Variants in ZHX3 observed in about 807,000 individuals in gnomAD.
ZHX3 encodes the protein zinc fingers and homeoboxes protein 3.
In ZHX3, 20 loss-of-function variants were observed where a neutral mutation model predicts 64.5. The ratio of observed to expected loss-of-function variants is 0.31; its 90% CI spans 0.22 to 0.45. The LOEUF is 0.45. Among genes scored for constraint, ZHX3 ranks in the 20% least tolerant of loss-of-function variants. ZHX3 has a pLI of 1.00. For missense variants in ZHX3, 1,041 were observed against 1,195.8 expected (o/e 0.87, Z 1.91); for synonymous variants, 423 against 461.6 (o/e 0.92, Z 1.07).
chr20:41,314,221 G>C (rs2045226106), intron 1 of ZHX3, among the ~76,000 whole-genome samples: 1 of 152,036 alleles, frequency 6.6e-6, no homozygotes. Flanking sequence ...TACTACAGAT[G>C]TTTCATCCTG....
rs144672536 is a variant in ZHX3 at position 41,271,627 on chromosome 20, C to T, written c.-244-2544G>A. Reference sequence around the variant, plus strand: ...TCCAAAAACAGCACTGACTGTGGGCCAGAAGCAACAGCCTCATTCATAAAA... The same window carrying T: ...TCCAAAAACAGCACTGACTGTGGGCTAGAAGCAACAGCCTCATTCATAAAA... On this transcript the variant is annotated intron_variant, in intron 1 of 3. Coordinates refer to ENST00000683867, the MANE Select transcript of ZHX3 (RefSeq NM_001384317.1). 3.4e-3 allele frequency among the ~76,000 whole-genome samples: 522 copies of T among 152,118 alleles called. 6 individuals are homozygous for T. Among genetic ancestry groups the T allele is most frequent in the African/African-American group, 0.012 (494 of 41,474 alleles).
chr20:41,243,253 GC>G (rs1202882077), intron 2 of ZHX3, among the ~76,000 whole-genome samples: 1 of 152,210 alleles, frequency 6.6e-6, no homozygotes, highest in African/African-American at 2.4e-5. Context: ...TGTGCTACCA[GC>G]CCAGCATCAG....
chr20:41,268,357 CA>C (rs2042963587), intron 2 of ZHX3, among the ~76,000 whole-genome samples: 1 of 116,842 alleles, frequency 8.6e-6, no homozygotes, highest in Non-Finnish European at 1.6e-5. Flanking sequence ...GCTCTATTTA[CA>C]ATGATTGTTT....
chr20:41,310,933 T>C (rs1568968544), intron 1 of ZHX3, among the ~76,000 whole-genome samples: 1 of 150,418 alleles, frequency 6.6e-6, no homozygotes, highest in African/African-American at 2.4e-5. Flanking sequence ...CTCAGCCTCC[T>C]GAGTAGCTGG....
Position 41,203,606 on chromosome 20 carries a change from T to C in ZHX3, c.1311A>G (p.Gln437=). ...VTQPLMANGL[Q]ATSSPLPLTV... is the part of the protein sequence containing the mutation. ...TGAGGGGGAGAGGGGAACTTGTTGCTTGCAACCCATTGGCCATCAATGGCT... is the reference window on the plus strand; with the variant it reads ...TGAGGGGGAGAGGGGAACTTGTTGCCTGCAACCCATTGGCCATCAATGGCT... Residue 437 remains glutamine (Q), a synonymous_variant, in exon 3 of 4, where the codon CAA becomes CAG. Coordinates refer to ENST00000683867, the MANE Select transcript of ZHX3 (RefSeq NM_001384317.1). The surrounding 1 kb of genome is among the most constrained non-coding windows in gnomAD (Gnocchi z 7.1). The C allele has an allele frequency of 6.2e-7, 1 of 1,614,210 alleles. No homozygotes were observed. Among genetic ancestry groups the C allele is most frequent in the Admixed American group, 1.7e-5 (1 of 60,026 alleles).
At chr20:41,208,795 CCT>C (rs2038931852) in intron 2 of ZHX3, among the ~76,000 whole-genome samples, 1 of 152,114 alleles carries the variant, frequency 6.6e-6, no homozygotes, top group Non-Finnish European at 1.5e-5. Context: ...ACAGGGATGC[CCT>C]CTCTCACCAC....
chr20:41,215,589 A>G lies in ZHX3; in HGVS notation c.-150-10523T>C, dbSNP rs568066619. On this transcript the variant is annotated intron_variant, in intron 2 of 3. Transcript: ENST00000683867. ...CTCTTGACAGACTCTTCCAAGCGTT[A>G]TGATAGTCAGCCTGCAGCCCTCTTG... 8.5e-5 allele frequency among the ~76,000 whole-genome samples: 13 copies of G among 152,234 alleles called. No homozygotes were observed. The South Asian group carries it at 2.5e-3, about 29-fold the overall frequency.
intron 1 of ZHX3, chr20:41,269,331 T>G (rs928492061): frequency 3.9e-5 from 6 of 152,186 alleles, no homozygotes; most frequent in Non-Finnish European, 8.8e-5. Flanking sequence ...AATCTGTAAT[T>G]TTAACGCTCT....
chr20:41,236,498 C>T (rs1367047459), intron 2 of ZHX3, among the ~76,000 whole-genome samples: 2 of 152,096 alleles, frequency 1.3e-5, no homozygotes, highest in African/African-American at 4.8e-5. Context: ...TTTGACAAAC[C>T]TGACAAAAAC....
intron 1 of ZHX3, among the ~76,000 whole-genome samples, chr20:41,282,869 CT>C (rs963203668): frequency 1.3e-5 from 2 of 152,206 alleles, no homozygotes; most frequent in African/African-American, 4.8e-5. Context: ...TAAAAATTCA[CT>C]GCATAACCAA....
intron 1 of ZHX3, among the ~76,000 whole-genome samples, chr20:41,299,330 T>C (rs1568959790): frequency 6.6e-6 from 1 of 152,190 alleles, no homozygotes. Context: ...GTCACATGAT[T>C]TTGAGTAATT....
At chr20:41,287,491 T>G (rs1017049173) in intron 1 of ZHX3, among the ~76,000 whole-genome samples, 1 of 152,200 alleles carries the variant, frequency 6.6e-6, no homozygotes, top group African/African-American at 2.4e-5. Context: ...ACTGACTCAT[T>G]TCTAACAAAT....
rs1480439384 is a variant in ZHX3 at position 41,181,388 on chromosome 20, A to G, written c.*3803T>C. ...CCAGGTAAACTCTGAGCAAGAAAAA[A>G]GAGAAGATGACTTTAGGAAAATCCT... On this transcript the variant is annotated 3_prime_UTR_variant, in exon 4 of 4. Transcript: ENST00000683867. 6.6e-6 allele frequency: 1 copy of G among 152,226 alleles called. No homozygotes were observed. The highest frequency in any genetic ancestry group is 6.5e-5 in the Admixed American group (1 of 15,284). 9.4% of individuals were successfully genotyped at this position (152,226 alleles called of 1,614,324 possible). A position where few individuals can be genotyped will look rare whatever the true frequency, so the allele number is the denominator to read the frequency against.
Position 41,185,256 on chromosome 20 carries a change from C to CG in ZHX3, c.2861-56_2861-55insC. The CG allele has an allele frequency of 6.4e-7, 1 of 1,555,370 alleles. No homozygotes were observed. Among genetic ancestry groups the CG allele is most frequent in the East Asian group, 2.3e-5 (1 of 44,184 alleles). ...ACGGCAGCTGCCACCACCTGCCCCC[C>CG]AGGCAGCCTGGTCCTTGCTATACCA... On this transcript the variant is annotated intron_variant, in intron 3 of 3. Transcript: ENST00000683867. This position sits in a 1 kb window ranked among gnomAD's most constrained non-coding sequence, Gnocchi z 5.0.
chr20:41,203,321 G>A lies in ZHX3; in HGVS notation c.1596C>T (p.Gly532=). 6.2e-7 allele frequency: 1 copy of A among 1,614,168 alleles called. No individual in the cohort carries two copies. Among genetic ancestry groups the A allele is most frequent in the Non-Finnish European group, 8.5e-7 (1 of 1,180,018 alleles). The change falls in exon 3 of 4, where the codon GGC becomes GGT. Residue 532 remains glycine (G), a synonymous_variant. Transcript: ENST00000683867. This position sits in a 1 kb window ranked among gnomAD's most constrained non-coding sequence, Gnocchi z 7.1. ...ATTTCCGCACCTCTCTGGTACTGAG[G>A]CCCGTCACTTTTGTGAGATGTTCAA... is the stretch of plus-strand genomic sequence containing the variant. The part of the protein sequence containing the change: ...SEVEHLTKVT[G]LSTREVRKWF...
intron 2 of ZHX3, among the ~76,000 whole-genome samples, chr20:41,217,086 C>A (rs1428668560): frequency 1.3e-5 from 2 of 152,098 alleles, no homozygotes; most frequent in East Asian, 3.8e-4. Context: ...GGTTTCATCT[C>A]CATTTTTTGG....
chr20:41,289,971 G>T (rs958197440), intron 1 of ZHX3, among the ~76,000 whole-genome samples: 3 of 152,138 alleles, frequency 2.0e-5, no homozygotes, highest in African/African-American at 7.2e-5. Context: ...AAACATTGGG[G>T]CAACATTAAA....
chr20:41,268,359 A>G (rs2042963813), intron 2 of ZHX3, among the ~76,000 whole-genome samples: 1 of 116,478 alleles, frequency 8.6e-6, no homozygotes, highest in Non-Finnish European at 1.6e-5. Context: ...TCTATTTACA[A>G]TGATTGTTTG....
intron 1 of ZHX3, among the ~76,000 whole-genome samples, chr20:41,291,350 A>G (rs2044227669): frequency 6.6e-6 from 1 of 152,232 alleles, no homozygotes; most frequent in Admixed American, 6.5e-5. Flanking sequence ...TCAAAATGAC[A>G]CAAATGTTGC....
Sources: allele counts gnomAD v4.1 joint callset (sites outside exome capture counted in the v4.1 genomes callset), GRCh38; gene constraint gnomAD v4.1.1; non-coding constraint Gnocchi (gnomAD v3.1); transcripts MANE v1.5; gene names NCBI Gene and HGNC (gene_info 2026-07-23, HGNC 2026-07-21).